The following AKT3 variants were observed in gnomAD, a reference collection of about 807,000 sequenced individuals.
AKT3 encodes AKT serine/threonine kinase 3.
A neutral mutation model predicts 65.3 loss-of-function variants in AKT3; 15 were observed. The observed-to-expected ratio is 0.23, with a 90% CI of 0.15 to 0.35. The LOEUF (loss-of-function observed/expected upper bound fraction) is 0.35, where lower values mean the gene tolerates loss of function less well. Among genes scored for constraint, AKT3 ranks in the 10% least tolerant of loss-of-function variants. The pLI, the probability that AKT3 is intolerant of heterozygous loss-of-function variation, is 1.00. For missense variants in AKT3, 243 were observed against 576.5 expected (o/e 0.42, Z 5.92); for synonymous variants, 206 against 183.8 (o/e 1.12, Z -0.98).
At chr1:243,676,727 C>A (rs1373137842) in intron 3 of AKT3, among the ~76,000 whole-genome samples, 1 of 152,188 alleles carries the variant, frequency 6.6e-6, no homozygotes, top group Non-Finnish European at 1.5e-5. Context: ...CTCTTTCAGC[C>A]CTCATGGCTA....
intron 12 of AKT3, among the ~76,000 whole-genome samples, chr1:243,515,916 G>C (rs575946465): frequency 6.6e-6 from 1 of 151,812 alleles, no homozygotes; most frequent in South Asian, 2.1e-4. Context: ...GGCGGAGCTT[G>C]CCATGAGCTG....
chr1:243,552,981 G>A (rs756978977), intron 10 of AKT3, 38 bp from the exon 11 acceptor site: 4 of 1,444,176 alleles, frequency 2.8e-6, no homozygotes, highest in Non-Finnish European at 3.8e-6. Context: ...ATTATTACAT[G>A]TTAACTTTTA....
rs560069415 is a variant in AKT3, at chr1:243,500,967, C to T, written c.*4282G>A. On this transcript the variant is annotated 3_prime_UTR_variant, in exon 14 of 14. Coordinates refer to ENST00000673466, the MANE Select transcript of AKT3 (RefSeq NM_005465.7). The stretch of plus-strand genomic sequence containing the variant: ...TTAGATATACTGTGAATAAATTATA[C>T]AATATTCTAAAAATAGCACCTTTAA... 4.4e-6 allele frequency: 1 copy of T among 227,612 alleles called. No individual in the cohort carries two copies. Among genetic ancestry groups the T allele is most frequent in the Non-Finnish European group, 8.7e-6 (1 of 114,664 alleles). The allele number at this position is 227,612 out of a possible 1,614,324, so 14.1% of individuals were successfully genotyped here. A position where few individuals can be genotyped will look rare whatever the true frequency, so the allele number is the denominator to read the frequency against.
chr1:243,675,667 A>G (rs1683461465), intron 3 of AKT3, among the ~76,000 whole-genome samples: 1 of 151,918 alleles, frequency 6.6e-6, no homozygotes, highest in African/African-American at 2.4e-5. Flanking sequence ...CCACCACTCT[A>G]CTGCAGTCTC....
At chr1:243,553,829 A>T (rs529865140) in intron 10 of AKT3, among the ~76,000 whole-genome samples, 1 of 152,172 alleles carries the variant, frequency 6.6e-6, no homozygotes, top group African/African-American at 2.4e-5. Context: ...TCTTCATCCA[A>T]TGGAATATTC....
At chr1:243,766,727 G>A (rs534618863) in intron 2 of AKT3, among the ~76,000 whole-genome samples, 1 of 152,236 alleles carries the variant, frequency 6.6e-6, no homozygotes, top group African/African-American at 2.4e-5. Flanking sequence ...GAGTAGTGAA[G>A]AAAAGTTTCC....
intron 2 of AKT3, among the ~76,000 whole-genome samples, chr1:243,722,308 G>T (rs1347404568): frequency 6.6e-6 from 1 of 152,158 alleles, no homozygotes; most frequent in East Asian, 1.9e-4. Context: ...CAGAGAAAAA[G>T]ATATACATTA....
chr1:243,697,659 T>A (rs1685143390), intron 2 of AKT3, among the ~76,000 whole-genome samples: 2 of 152,126 alleles, frequency 1.3e-5, no homozygotes, highest in Non-Finnish European at 2.9e-5. Flanking sequence ...ATCTTCCTAA[T>A]GTTGACACAT....
chr1:243,605,953 T>C (rs1362050847), intron 8 of AKT3, among the ~76,000 whole-genome samples: 1 of 152,202 alleles, frequency 6.6e-6, no homozygotes, highest in East Asian at 1.9e-4. Flanking sequence ...TGATGAAATC[T>C]GATGGTTTTA....
At chr1:243,566,203 C>T (rs543747432) in intron 9 of AKT3, among the ~76,000 whole-genome samples, 5 of 152,186 alleles carry the variant, frequency 3.3e-5, no homozygotes, top group South Asian at 4.2e-4. Context: ...TGTGTGTGTA[C>T]GTGTGTGTAA....
chr1:243,614,028 A>C (rs1247801254), intron 7 of AKT3, among the ~76,000 whole-genome samples: 1 of 152,204 alleles, frequency 6.6e-6, no homozygotes, highest in Non-Finnish European at 1.5e-5. Context: ...ATTGATTTGA[A>C]GCTGCATTAG....
chr1:243,751,104 C>A (rs1471980198), intron 2 of AKT3, among the ~76,000 whole-genome samples: 1 of 151,948 alleles, frequency 6.6e-6, no homozygotes, highest in Non-Finnish European at 1.5e-5. Context: ...TTTGTCACAA[C>A]TCTAATTTAC....
At chr1:243,566,461 T>A (rs1245555530) in intron 9 of AKT3, among the ~76,000 whole-genome samples, 1 of 152,084 alleles carries the variant, frequency 6.6e-6, no homozygotes, top group African/African-American at 2.4e-5. Context: ...AATTAGCTTT[T>A]AAAAAAATTA....
intron 2 of AKT3, among the ~76,000 whole-genome samples, chr1:243,819,155 G>A (rs531765551): frequency 2.0e-5 from 3 of 152,348 alleles, no homozygotes; most frequent in Non-Finnish European, 2.9e-5. Flanking sequence ...AGGGGCCACC[G>A]TCATCACTGC....
chr1:243,609,463 G>A (rs1340279200), intron 8 of AKT3, among the ~76,000 whole-genome samples: 1 of 151,932 alleles, frequency 6.6e-6, no homozygotes, highest in Non-Finnish European at 1.5e-5. Flanking sequence ...TTCAAGACTA[G>A]CCTGGCCAAC....
At chr1:243,849,861 C>G (rs1163029230) in intron 1 of AKT3, among the ~76,000 whole-genome samples, 179 bp downstream of exon 1, 4 of 151,928 alleles carry the variant, frequency 2.6e-5, no homozygotes, top group Non-Finnish European at 5.9e-5. Flanking sequence ...CCGAAGCCTC[C>G]GGTGACCCAG....
At chr1:243,557,182 A>C (rs1673466616) in intron 10 of AKT3, among the ~76,000 whole-genome samples, 2 of 152,138 alleles carry the variant, frequency 1.3e-5, no homozygotes, top group Admixed American at 6.6e-5. Flanking sequence ...CTTCCAAGAA[A>C]TTTCTATACT....
At chr1:243,768,192 T>C (rs1689952502) in intron 2 of AKT3, among the ~76,000 whole-genome samples, 1 of 151,010 alleles carries the variant, frequency 6.6e-6, no homozygotes, top group Non-Finnish European at 1.5e-5. Flanking sequence ...ACAAATATTA[T>C]ATTGCTATGG....
At chr1:243,564,935 G>C (rs549106172) in intron 9 of AKT3, among the ~76,000 whole-genome samples, 20 of 152,220 alleles carry the variant, frequency 1.3e-4, no homozygotes, top group African/African-American at 4.6e-4. Context: ...ATTTAAAACA[G>C]ATCTCCACTT....
Sources: gnomAD v4.1 joint callset for allele counts (sites outside exome capture counted in the v4.1 genomes callset) on GRCh38, gnomAD v4.1.1 for gene constraint, MANE v1.5 for transcripts, NCBI Gene and HGNC (gene_info 2026-07-23, HGNC 2026-07-21) for gene names.